The following SLC24A2 variants were observed in gnomAD, a reference collection of about 807,000 sequenced individuals.
The protein encoded by SLC24A2 is solute carrier family 24 member 2, also known as sodium/potassium/calcium exchanger 2.
SLC24A2 carries 36 observed loss-of-function variants against 62.0 expected under a neutral mutation model. The ratio of observed to expected loss-of-function variants is 0.58; its 90% confidence interval spans 0.44 to 0.77. The LOEUF is 0.77. Ranked by LOEUF, SLC24A2 falls within the 30% of genes least tolerant of loss-of-function variation. The pLI is 0.00. For synonymous variants in SLC24A2, 358 were observed against 294.0 expected (o/e 1.22, Z -2.23); for missense variants, 846 against 817.9 (o/e 1.03, Z -0.42).
chr9:20,173,738 T>C, the SLC24A2 span, among the ~76,000 whole-genome samples: 3 of 152,034 alleles, frequency 2.0e-5, no homozygotes, highest in South Asian at 2.1e-4. Flanking sequence ...TGCTCGTACA[T>C]AGGTAGAATC....
At chr9:19,918,324 C>T in the SLC24A2 span, among the ~76,000 whole-genome samples, 1 of 150,440 alleles carries the variant, frequency 6.6e-6, no homozygotes, top group Admixed American at 6.6e-5. Flanking sequence ...GAAAGACTGG[C>T]CTGGCATTTT....
intron 2 of SLC24A2, among the ~76,000 whole-genome samples, chr9:19,783,673 G>GA (rs1823080314): frequency 6.6e-6 from 1 of 152,258 alleles, no homozygotes; most frequent in Middle Eastern, 3.4e-3. Flanking sequence ...TGTAATTACA[G>GA]AAAAAATTCC....
At chr9:20,118,230 A>G in the SLC24A2 span, among the ~76,000 whole-genome samples, 56 of 152,258 alleles carry the variant, frequency 3.7e-4, no homozygotes, top group East Asian at 7.7e-3. Context: ...CACAAGAACT[A>G]CACAATAAGA....
chr9:20,258,685 C>T, the SLC24A2 span, among the ~76,000 whole-genome samples: 1 of 152,104 alleles, frequency 6.6e-6, no homozygotes, highest in Non-Finnish European at 1.5e-5. Flanking sequence ...TCTGGTTCGC[C>T]AGCTTGCAGA....
At chr9:19,565,468 A>T (rs1835609492) in intron 7 of SLC24A2, among the ~76,000 whole-genome samples, 1 of 151,150 alleles carries the variant, frequency 6.6e-6, no homozygotes, top group South Asian at 2.1e-4. Context: ...ATAAAAGAGG[A>T]TACAAACAAA....
the SLC24A2 span, among the ~76,000 whole-genome samples, chr9:20,261,631 CA>C: frequency 6.6e-6 from 1 of 151,660 alleles, no homozygotes; most frequent in Non-Finnish European, 1.5e-5. Context: ...ATTTAAACCA[CA>C]GTACTATCAT....
At chr9:19,723,087 T>C (rs994386068) in intron 2 of SLC24A2, among the ~76,000 whole-genome samples, 2 of 152,124 alleles carry the variant, frequency 1.3e-5, no homozygotes, top group Non-Finnish European at 2.9e-5. Flanking sequence ...GATAAAATTA[T>C]CATCAACATT....
chr9:19,999,032 T>C, the SLC24A2 span, among the ~76,000 whole-genome samples: 1 of 152,206 alleles, frequency 6.6e-6, no homozygotes, highest in South Asian at 2.1e-4. Flanking sequence ...ATTTTCAGTA[T>C]GAGTTTTGGT....
the SLC24A2 span, among the ~76,000 whole-genome samples, chr9:20,047,081 T>G: frequency 2.0e-5 from 3 of 152,096 alleles, no homozygotes; most frequent in South Asian, 6.2e-4. Context: ...GGTTCAGCAA[T>G]AGCCTATCAG....
the SLC24A2 span, among the ~76,000 whole-genome samples, chr9:20,005,350 T>G: frequency 3.3e-5 from 5 of 152,252 alleles, no homozygotes; most frequent in Middle Eastern, 3.4e-3. Flanking sequence ...TCAAAATAAT[T>G]AAAAAAACAA....
chr9:20,268,545 C>G, the SLC24A2 span, among the ~76,000 whole-genome samples: 3 of 152,190 alleles, frequency 2.0e-5, no homozygotes, highest in Admixed American at 2.0e-4. Flanking sequence ...GCTCCCTCAC[C>G]ATGTGCTGCT....
the SLC24A2 span, among the ~76,000 whole-genome samples, chr9:20,225,716 A>T: frequency 6.7e-6 from 1 of 150,264 alleles, no homozygotes; most frequent in Non-Finnish European, 1.5e-5. Flanking sequence ...AAAAATATGT[A>T]AGTTGTATTT....
In SLC24A2 at chr9:19,515,550, G is replaced by A. The variant is rs1007216006; in HGVS notation, c.*603C>T. On this transcript the variant is annotated 3_prime_UTR_variant, in exon 11 of 11. Transcript: ENST00000341998. ...TGAAGGTCACAGCAATGCTACCTTT[G>A]TCTTGTTGGTTCCATTAGTTCACCT... is the stretch of plus-strand genomic sequence containing the variant. The A allele has an allele frequency of 5.9e-5, 9 of 152,166 alleles. No individual in the cohort carries two copies. Among genetic ancestry groups the A allele is most frequent in the African/African-American group, 2.2e-4 (9 of 41,378 alleles). 9.4% of individuals were successfully genotyped at this position (152,166 alleles called of 1,614,324 possible).
chr9:20,103,775 T>C, the SLC24A2 span, among the ~76,000 whole-genome samples: 2 of 151,492 alleles, frequency 1.3e-5, no homozygotes, highest in Admixed American at 6.6e-5. Flanking sequence ...AACTGGAAAC[T>C]CTAAAAAGCA....
the SLC24A2 span, among the ~76,000 whole-genome samples, chr9:19,923,991 G>A: frequency 1.3e-5 from 2 of 152,098 alleles, no homozygotes; most frequent in African/African-American, 4.8e-5. Flanking sequence ...CACCTGCCTC[G>A]GCCTCCCAAA....
chr9:19,780,968 T>A (rs183863905), intron 2 of SLC24A2, among the ~76,000 whole-genome samples: 21 of 149,736 alleles, frequency 1.4e-4, no homozygotes, highest in African/African-American at 4.9e-4. Context: ...AAGAAAAAAT[T>A]CTAAAAAGAA....
chr9:19,605,588 G>C (rs1836961604), intron 4 of SLC24A2, among the ~76,000 whole-genome samples: 1 of 152,142 alleles, frequency 6.6e-6, no homozygotes, highest in African/African-American at 2.4e-5. Context: ...TGGTAAATAG[G>C]CTTCTTTTTC....
the SLC24A2 span, among the ~76,000 whole-genome samples, chr9:19,838,768 TA>T: frequency 0.014 from 1,927 of 137,318 alleles, 20 homozygotes; most frequent in African/African-American, 0.032. Flanking sequence ...TTTCCTAATT[TA>T]AAAAAAAAAA....
intron 7 of SLC24A2, among the ~76,000 whole-genome samples, chr9:19,553,580 T>C (rs1339748667): frequency 6.6e-6 from 1 of 151,998 alleles, no homozygotes; most frequent in East Asian, 1.9e-4. Flanking sequence ...TGGTGGGTGG[T>C]GGTGTGTTGG....
Sources: gnomAD v4.1 joint callset for allele counts (sites outside exome capture counted in the v4.1 genomes callset) on GRCh38, gnomAD v4.1.1 for gene constraint, MANE v1.5 for transcripts, NCBI Gene and HGNC (gene_info 2026-07-23, HGNC 2026-07-21) for gene names.